The following HUNK variants were observed in gnomAD, a reference collection of about 807,000 sequenced individuals.
HUNK encodes hormonally up-regulated Neu-associated kinase.
HUNK carries 21 observed loss-of-function variants against 61.0 expected under a neutral mutation model. The observed-to-expected ratio is 0.34, with a 90% confidence interval of 0.24 to 0.50. The LOEUF is 0.50. HUNK is among the 20% of genes least tolerant of loss of function. The pLI, the probability that HUNK is intolerant of heterozygous loss-of-function variation, is 0.98. For missense variants in HUNK, 772 were observed against 945.7 expected (o/e 0.82, Z 2.41); for synonymous variants, 371 against 386.1 (o/e 0.96, Z 0.46).
chr21:31,927,082 C>G (rs1433544819), intron 2 of HUNK, among the ~76,000 whole-genome samples: 1 of 151,224 alleles, frequency 6.6e-6, no homozygotes, highest in African/African-American at 2.4e-5. Context: ...ACTCTGTCGC[C>G]CAGACTGGAG....
chr21:31,957,482 G>A (rs1156775923), intron 4 of HUNK, among the ~76,000 whole-genome samples: 1 of 152,232 alleles, frequency 6.6e-6, no homozygotes, highest in East Asian at 1.9e-4. Context: ...TAATTCAGAG[G>A]TGCCTCTGTG....
chr21:31,874,057 C>G, intron 1 of HUNK, 122 bp downstream of exon 1: 1 of 717,292 alleles, frequency 1.4e-6, no homozygotes, highest in Non-Finnish European at 1.9e-6. Flanking sequence ...CTTCCCCCTC[C>G]GCCCGGCTTT....
At chr21:31,955,257 G>C (rs1298796482) in intron 4 of HUNK, among the ~76,000 whole-genome samples, 2 of 112,046 alleles carry the variant, frequency 1.8e-5, no homozygotes, top group Non-Finnish European at 3.9e-5. Flanking sequence ...CAATAAAAGT[G>C]ATTTTTTTTT....
intron 8 of HUNK, among the ~76,000 whole-genome samples, chr21:31,986,545 C>T (rs2833591): frequency 0.18 from 27,059 of 151,906 alleles, 2,771 homozygotes; most frequent in South Asian, 0.32. Flanking sequence ...TTGAGACCTT[C>T]GGAGGTTTCC....
At chr21:31,894,334 C>T (rs995220017) in intron 1 of HUNK, among the ~76,000 whole-genome samples, 1 of 152,184 alleles carries the variant, frequency 6.6e-6, no homozygotes, top group Non-Finnish European at 1.5e-5. Flanking sequence ...ATGGAATGCT[C>T]TTTCCATTTT....
intron 1 of HUNK, among the ~76,000 whole-genome samples, chr21:31,907,864 C>T (rs897091021): frequency 1.3e-5 from 2 of 152,006 alleles, no homozygotes; most frequent in Non-Finnish European, 1.5e-5. Flanking sequence ...GTGGTGGGCA[C>T]CTGTAGTCCC....
chr21:31,970,483 A>G (rs921748798), intron 6 of HUNK, among the ~76,000 whole-genome samples: 5 of 152,180 alleles, frequency 3.3e-5, no homozygotes, highest in Non-Finnish European at 5.9e-5. Flanking sequence ...AACAGACACC[A>G]GAAATACTAC....
At position 32,000,916 on chromosome 21, in the gene HUNK, C is replaced by G. The variant is rs1279312184; in HGVS notation, c.*1732C>G. The G allele has an allele frequency of 7.6e-6, 3 of 396,572 alleles. No individual in the cohort carries two copies. Among genetic ancestry groups the G allele is most frequent in the African/African-American group, 2.1e-5 (1 of 48,586 alleles). 24.6% of individuals were successfully genotyped at this position (396,572 alleles called of 1,614,324 possible). On this transcript the variant is annotated 3_prime_UTR_variant, in exon 11 of 11. Coordinates refer to ENST00000270112, the MANE Select transcript of HUNK (RefSeq NM_014586.2). Reference sequence around the variant, plus strand: ...GGCATTCTAGGATGAGGTCAGACCCCTTGGCCATTGGTGTTATTTTTTGTA... The same window carrying G: ...GGCATTCTAGGATGAGGTCAGACCCGTTGGCCATTGGTGTTATTTTTTGTA...
Position 31,990,111 on chromosome 21 carries a change from G to A in HUNK, c.1258-18G>A. On this transcript the variant is annotated intron_variant, in intron 8 of 10. Transcript: ENST00000270112. ...AGGTGCAGATTCTCGAATTGTTGAA[G>A]GATGTTCCTTTTCACAGGCCTCTCT... The A allele has an allele frequency of 6.2e-7, 1 of 1,612,554 alleles. No homozygotes were observed. Among genetic ancestry groups the A allele is most frequent in the African/African-American group, 1.3e-5 (1 of 74,990 alleles).
rs761652798 is a variant in HUNK at position 31,894,457 on chromosome 21, A to G, written c.261+20522A>G. 6.6e-5 allele frequency among the ~76,000 whole-genome samples: 10 copies of G among 152,202 alleles called. 1 individual carries two copies. The highest frequency in any genetic ancestry group is 8.8e-5 in the Non-Finnish European group (6 of 68,034). ...ATTTCCCAGTTGTAACTAGCTTAAA[A>G]AATAAAACAAACGTTACCTTTACTT... On this transcript the variant is annotated intron_variant, in intron 1 of 10. Transcript: ENST00000270112.
At chr21:31,952,593 C>T (rs946311889) in intron 4 of HUNK, among the ~76,000 whole-genome samples, 57 of 97,178 alleles carry the variant, frequency 5.9e-4, no homozygotes, top group African/African-American at 2.1e-3. Context: ...ACAACTTTTC[C>T]TCCAGGGAGT....
chr21:31,884,410 G>T (rs2052330994), intron 1 of HUNK, among the ~76,000 whole-genome samples: 1 of 152,068 alleles, frequency 6.6e-6, no homozygotes, highest in African/African-American at 2.4e-5. Flanking sequence ...TGACCAACAT[G>T]GTGAAACCCC....
intron 1 of HUNK, among the ~76,000 whole-genome samples, chr21:31,880,790 C>A (rs1035193109): frequency 6.6e-6 from 1 of 152,114 alleles, no homozygotes; most frequent in African/African-American, 2.4e-5. Flanking sequence ...TTGTGGCAAG[C>A]GGATCTTGGG....
intron 2 of HUNK, among the ~76,000 whole-genome samples, chr21:31,932,832 C>G (rs553588438): frequency 6.6e-6 from 1 of 151,804 alleles, no homozygotes; most frequent in Non-Finnish European, 1.5e-5. Flanking sequence ...GCCTGTTGTT[C>G]CTAAGACATC....
At chr21:31,984,752 C>A (rs966284544) in intron 8 of HUNK, among the ~76,000 whole-genome samples, 1 of 152,174 alleles carries the variant, frequency 6.6e-6, no homozygotes, top group Non-Finnish European at 1.5e-5. Flanking sequence ...TTCCTGGGAA[C>A]CACCTTCCCT....
chr21:31,974,391 G>A, intron 6 of HUNK, 164 bp from the exon 7 acceptor site: 1 of 623,788 alleles, frequency 1.6e-6, no homozygotes, highest in East Asian at 2.8e-5. Context: ...TAAAGTGATT[G>A]TACTATTCCC....
intron 8 of HUNK, among the ~76,000 whole-genome samples, chr21:31,984,084 CA>C (rs1407683426): frequency 1.3e-5 from 2 of 152,058 alleles, no homozygotes; most frequent in Non-Finnish European, 2.9e-5. Flanking sequence ...CTTGGAATGG[CA>C]GGGGGAAGGG....
intron 1 of HUNK, among the ~76,000 whole-genome samples, chr21:31,890,038 A>G (rs1352108978): frequency 2.6e-5 from 4 of 152,162 alleles, no homozygotes; most frequent in African/African-American, 9.7e-5. Context: ...AGAATTTTAA[A>G]ATTCTTTAAA....
At chr21:31,931,286 TG>T (rs138078671) in intron 2 of HUNK, among the ~76,000 whole-genome samples, 2,247 of 152,210 alleles carry the variant, frequency 0.015, 51 homozygotes, top group African/African-American at 0.051. Context: ...TTCATTGGGC[TG>T]GGGGGCATGC....
Sources: allele counts gnomAD v4.1 joint callset (sites outside exome capture counted in the v4.1 genomes callset), GRCh38; gene constraint gnomAD v4.1.1; transcripts MANE v1.5; gene names NCBI Gene and HGNC (gene_info 2026-07-23, HGNC 2026-07-21).